FGGY: variants seen among roughly 807,000 people sequenced by gnomAD.
FGGY encodes FGGY carbohydrate kinase domain-containing protein.
Under a neutral mutation model 71.3 loss-of-function variants are expected in FGGY, and 72 were observed. The observed-to-expected ratio is 1.01, with a 90% CI of 0.84 to 1.23. The LOEUF is 1.23. Among genes scored for constraint, FGGY ranks in the 50% most tolerant of loss-of-function variants. The probability of loss-of-function intolerance (pLI) is 0.00; values close to 1 mark genes in which losing one functional copy is unlikely to be tolerated. For synonymous variants in FGGY, 251 were observed against 250.3 expected (o/e 1.00, Z -0.02); for missense variants, 668 against 682.3 (o/e 0.98, Z 0.23).
intron 5 of FGGY, among the ~76,000 whole-genome samples, chr1:59,443,611 G>A (rs995305615): frequency 2.6e-5 from 4 of 152,232 alleles, no homozygotes; most frequent in African/African-American, 9.6e-5. Context: ...ACTGAAGAAT[G>A]TTGGAAGATA....
intron 8 of FGGY, among the ~76,000 whole-genome samples, chr1:59,584,421 T>C (rs1167979887): frequency 6.7e-6 from 1 of 149,670 alleles, no homozygotes; most frequent in Non-Finnish European, 1.5e-5. Flanking sequence ...ACAAAAACCA[T>C]ATGATTATCT....
intron 5 of FGGY, among the ~76,000 whole-genome samples, chr1:59,450,135 C>T (rs1487885867): frequency 6.6e-6 from 1 of 152,074 alleles, no homozygotes; most frequent in Non-Finnish European, 1.5e-5. Flanking sequence ...TAATTATTCC[C>T]TTTTCCTGTA....
intron 6 of FGGY, among the ~76,000 whole-genome samples, chr1:59,462,155 A>G (rs2092288487): frequency 6.6e-6 from 1 of 152,160 alleles, no homozygotes; most frequent in African/African-American, 2.4e-5. Context: ...ATAACGCCGC[A>G]TATCTACAAC....
At chr1:59,490,204 C>T (rs2093783962) in intron 6 of FGGY, among the ~76,000 whole-genome samples, 1 of 152,110 alleles carries the variant, frequency 6.6e-6, no homozygotes, top group African/African-American at 2.4e-5. Context: ...ATGCACACCA[C>T]CATACCCACC....
intron 5 of FGGY, among the ~76,000 whole-genome samples, chr1:59,446,474 A>G (rs762821616): frequency 1.3e-5 from 2 of 152,192 alleles, no homozygotes; most frequent in South Asian, 2.1e-4. Context: ...TACAGAGCCA[A>G]TAGTAACAGG....
intron 4 of FGGY, among the ~76,000 whole-genome samples, chr1:59,374,957 C>T (rs1328688566): frequency 2.0e-5 from 3 of 150,410 alleles, no homozygotes; most frequent in African/African-American, 7.3e-5. Flanking sequence ...TGAGATATAC[C>T]TAATGCTAGA....
Position 59,584,966 on chromosome 1 carries a change from C to T in FGGY, c.904-22837C>T, listed in dbSNP as rs774964752. On this transcript the variant is annotated intron_variant, in intron 8 of 15. Coordinates refer to ENST00000303721, the MANE Select transcript of FGGY (RefSeq NM_018291.5). ...AGCTAGGAATCCAACTTACAAGGGA[C>T]GTGAAGGACCTCATCAAGGAGAACT... Among the ~76,000 whole-genome samples the T allele has an allele frequency of 3.6e-4, 55 of 151,880 alleles. 5 individuals are homozygous for T. Among genetic ancestry groups the T allele is most frequent in the African/African-American group, 5.6e-4 (23 of 41,302 alleles).
At chr1:59,697,990 A>G (rs2154013127) in intron 14 of FGGY, among the ~76,000 whole-genome samples, 1 of 152,336 alleles carries the variant, frequency 6.6e-6, no homozygotes, top group South Asian at 2.1e-4. Flanking sequence ...CATAGAGATA[A>G]TAATACTTTT....
intron 5 of FGGY, among the ~76,000 whole-genome samples, chr1:59,437,492 T>G (rs548962155): frequency 7.2e-5 from 11 of 152,232 alleles, no homozygotes; most frequent in South Asian, 2.1e-4. Context: ...GTGTACCCAT[T>G]ACGTGTAGGG....
chr1:59,501,166 C>T (rs917167510), intron 6 of FGGY, among the ~76,000 whole-genome samples: 33 of 152,122 alleles, frequency 2.2e-4, no homozygotes, highest in Admixed American at 1.2e-3. Flanking sequence ...GAGAAACCAA[C>T]GCTGGCCCTT....
intron 6 of FGGY, among the ~76,000 whole-genome samples, chr1:59,477,571 G>A (rs563950219): frequency 1.3e-5 from 2 of 152,252 alleles, no homozygotes; most frequent in African/African-American, 4.8e-5. Context: ...CTTGTGGTGA[G>A]GAGAACAAAG....
chr1:59,584,676 C>G (rs1392835331), intron 8 of FGGY, among the ~76,000 whole-genome samples: 1 of 149,802 alleles, frequency 6.7e-6, no homozygotes, highest in Non-Finnish European at 1.5e-5. Flanking sequence ...CCAGGGCAAT[C>G]AGGCAGGAGA....
At chr1:59,749,243 C>A (rs2101642276) in intron 14 of FGGY, among the ~76,000 whole-genome samples, 1 of 152,222 alleles carries the variant, frequency 6.6e-6, no homozygotes, top group South Asian at 2.1e-4. Context: ...TCTTGAACTC[C>A]ATAAGCCGAT....
intron 5 of FGGY, among the ~76,000 whole-genome samples, chr1:59,431,960 GTTGGTCAGAATGGGAC>G: frequency 6.6e-6 from 1 of 152,180 alleles, no homozygotes; most frequent in Non-Finnish European, 1.5e-5. Flanking sequence ...CAGAATGGGA[GTTGGTCAGAATGGGAC>G]TTGGTCACTA....
At chr1:59,416,736 T>C (rs1290308702) in intron 5 of FGGY, among the ~76,000 whole-genome samples, 3 of 152,190 alleles carry the variant, frequency 2.0e-5, no homozygotes, top group African/African-American at 7.2e-5. Context: ...AAGAGCATGA[T>C]GAGATTTTTT....
At chr1:59,639,562 C>T (rs978439425) in intron 11 of FGGY, among the ~76,000 whole-genome samples, 2 of 152,180 alleles carry the variant, frequency 1.3e-5, no homozygotes, top group African/African-American at 4.8e-5. Flanking sequence ...TTCAGATAAC[C>T]AACTCTCTCT....
chr1:59,454,586 C>T (rs2091500538), intron 5 of FGGY, among the ~76,000 whole-genome samples: 1 of 152,212 alleles, frequency 6.6e-6, no homozygotes, highest in Admixed American at 6.5e-5. Flanking sequence ...TTTCAAAAGA[C>T]ATTTAAGCCT....
At chr1:59,344,308 T>G (rs1379088130) in intron 3 of FGGY, among the ~76,000 whole-genome samples, 10 of 144,900 alleles carry the variant, frequency 6.9e-5, no homozygotes, top group Admixed American at 6.6e-5. Context: ...TTTTGTTGTT[T>G]TTTTTTTTGG....
chr1:59,570,418 T>C (rs534627215), intron 8 of FGGY, among the ~76,000 whole-genome samples: 1 of 152,350 alleles, frequency 6.6e-6, no homozygotes, highest in East Asian at 1.9e-4. Flanking sequence ...AGTCAGTTCC[T>C]GCCAGATTTG....
Sources: gnomAD v4.1 joint callset for allele counts (sites outside exome capture counted in the v4.1 genomes callset) on GRCh38, gnomAD v4.1.1 for gene constraint, MANE v1.5 for transcripts, NCBI Gene and HGNC (gene_info 2026-07-23, HGNC 2026-07-21) for gene names.